AK8: variants seen among roughly 807,000 people sequenced by gnomAD.
AK8 encodes adenylate kinase 8.
AK8 carries 44 observed loss-of-function variants against 54.6 expected under a neutral mutation model. The ratio of observed to expected loss-of-function variants is 0.81; its 90% CI spans 0.63 to 1.04. AK8 has a LOEUF of 1.04. AK8 is among the 50% of genes least tolerant of loss of function. The pLI is 0.00. For missense variants in AK8, 555 were observed against 613.6 expected (o/e 0.90, Z 1.01); for synonymous variants, 239 against 245.6 (o/e 0.97, Z 0.25).
chr9:132,784,553 GAGAA>G (rs1424842475), intron 11 of AK8, among the ~76,000 whole-genome samples: 5 of 151,528 alleles, frequency 3.3e-5, no homozygotes, highest in Non-Finnish European at 4.4e-5. Flanking sequence ...GGAAGGAAGA[GAGAA>G]AGAAAGAAAG....
chr9:132,877,806 CG>C (rs1193648824), intron 1 of AK8: 1 of 514,100 alleles, frequency 1.9e-6, no homozygotes, highest in African/African-American at 1.9e-5. Context: ...TTGTCAGCGC[CG>C]GGAGAGCCCC....
intron 11 of AK8, among the ~76,000 whole-genome samples, chr9:132,747,108 T>C (rs867568524): frequency 5.3e-5 from 8 of 152,218 alleles, no homozygotes; most frequent in Non-Finnish European, 1.0e-4. Flanking sequence ...CAAATATTTG[T>C]GCAAGTGTAA....
rs899604313 is a variant in AK8 at position 132,860,128 on chromosome 9, C to T, written c.333+3537G>A. 5.3e-5 allele frequency among the ~76,000 whole-genome samples: 8 copies of T among 152,056 alleles called. No individual in the cohort carries two copies. The highest frequency in any genetic ancestry group is 1.9e-4 in the East Asian group (1 of 5,186). ...TTGGCTGGTGTCCAGGGACAGCCAG[C>T]GTCTTCAGGGCATCAAACGTCTCTT... On this transcript the variant is annotated intron_variant, in intron 4 of 12. Coordinates refer to ENST00000298545, the MANE Select transcript of AK8 (RefSeq NM_152572.3). The surrounding 1 kb of genome is among the most constrained non-coding windows in gnomAD (Gnocchi z 4.4).
At chr9:132,737,158 C>T (rs1374264608) in intron 11 of AK8, among the ~76,000 whole-genome samples, 1 of 152,126 alleles carries the variant, frequency 6.6e-6, no homozygotes, top group African/African-American at 2.4e-5. Flanking sequence ...AACACACACA[C>T]ACACACAAAC....
chr9:132,736,186 C>A (rs1042934659), intron 11 of AK8, among the ~76,000 whole-genome samples: 3 of 135,368 alleles, frequency 2.2e-5, no homozygotes, highest in African/African-American at 5.5e-5. Flanking sequence ...ACTATTCAGT[C>A]TTTTTTTTTT....
chr9:132,798,769 T>A (rs1840301112), intron 10 of AK8, among the ~76,000 whole-genome samples: 1 of 150,930 alleles, frequency 6.6e-6, no homozygotes, highest in Admixed American at 6.6e-5. Flanking sequence ...AAAATCTCAA[T>A]CCATTTATTC....
chr9:132,786,572 C>A (rs752565477), intron 11 of AK8, among the ~76,000 whole-genome samples: 12 of 152,246 alleles, frequency 7.9e-5, no homozygotes, highest in East Asian at 7.8e-4. Context: ...AGGAAAAGAT[C>A]TAAAGATGTT....
chr9:132,854,337 A>G (rs1468713043), intron 5 of AK8, among the ~76,000 whole-genome samples: 1 of 152,260 alleles, frequency 6.6e-6, no homozygotes, highest in African/African-American at 2.4e-5. Context: ...ATCAGTGCCC[A>G]GTAGACAGGT....
chr9:132,767,572 A>G (rs1018384288), intron 11 of AK8, among the ~76,000 whole-genome samples: 4 of 152,176 alleles, frequency 2.6e-5, no homozygotes, highest in African/African-American at 9.7e-5. Flanking sequence ...CTAAAAATAG[A>G]TCTGTCATGT....
rs1363324962 is a variant in AK8, at chr9:132,860,820, T to C, written c.333+2845A>G. On this transcript the variant is annotated intron_variant, in intron 4 of 12. Transcript: ENST00000298545. This position sits in a 1 kb window ranked among gnomAD's most constrained non-coding sequence, Gnocchi z 4.4. The stretch of plus-strand genomic sequence containing the variant: ...TCTTGCAGGTCATGGGTTGGTCTCC[T>C]GGGTGGGCTGCTGCAGATTGTGGGG... Among the ~76,000 whole-genome samples, 2 of 152,196 alleles carry C rather than the reference T, an allele frequency of 1.3e-5. No homozygotes were observed. The highest frequency in any genetic ancestry group is 2.4e-5 in the African/African-American group (1 of 41,440).
chr9:132,770,694 C>T lies in AK8; in HGVS notation c.1121+21940G>A, dbSNP rs75025904. Among the ~76,000 whole-genome samples the T allele has an allele frequency of 0.017, 2,572 of 152,276 alleles. 30 individuals are homozygous for T. Among genetic ancestry groups the T allele is most frequent in the Non-Finnish European group, 0.024 (1,625 of 67,992 alleles). On this transcript the variant is annotated intron_variant, in intron 11 of 12. Transcript: ENST00000298545. This position sits in a 1 kb window ranked among gnomAD's most constrained non-coding sequence, Gnocchi z 4.3. ...GAGACCGGGACAAGGCAGGGAAGAG[C>T]GGGATGGGTCGGCCCCTTCAAGGGG...
intron 11 of AK8, among the ~76,000 whole-genome samples, chr9:132,744,254 G>A (rs936306492): frequency 2.0e-5 from 3 of 152,108 alleles, no homozygotes; most frequent in Non-Finnish European, 4.4e-5. Flanking sequence ...CTTGCCTAAA[G>A]AATCCACCAC....
At chr9:132,836,051 A>C (rs1212245102) in intron 5 of AK8, among the ~76,000 whole-genome samples, 1 of 152,122 alleles carries the variant, frequency 6.6e-6, no homozygotes, top group African/African-American at 2.4e-5. Flanking sequence ...TGCACCTGGA[A>C]GGTGGAGGTT....
intron 5 of AK8, among the ~76,000 whole-genome samples, chr9:132,845,053 G>A (rs922262547): frequency 2.6e-5 from 4 of 152,150 alleles, no homozygotes; most frequent in Non-Finnish European, 5.9e-5. Context: ...TTGCTGTAAG[G>A]ACTCCACAGC....
At chr9:132,862,433 T>C (rs567400885) in intron 4 of AK8, among the ~76,000 whole-genome samples, 1 of 152,144 alleles carries the variant, frequency 6.6e-6, no homozygotes, top group East Asian at 1.9e-4. Context: ...GTTTGAGCAA[T>C]TCTCCTGCCT....
chr9:132,856,742 G>A (rs888633326), intron 4 of AK8, among the ~76,000 whole-genome samples: 1 of 152,182 alleles, frequency 6.6e-6, no homozygotes, highest in Admixed American at 6.5e-5. Context: ...AAATGTAAGA[G>A]CGGGAGCTGC....
intron 5 of AK8, among the ~76,000 whole-genome samples, chr9:132,840,136 T>C (rs985030504): frequency 1.3e-5 from 2 of 151,922 alleles, no homozygotes; most frequent in Non-Finnish European, 2.9e-5. Flanking sequence ...CTCTTAAAGG[T>C]AGTACTATGG....
intron 11 of AK8, among the ~76,000 whole-genome samples, chr9:132,728,712 C>T (rs964206055): frequency 6.6e-6 from 1 of 152,056 alleles, no homozygotes; most frequent in African/African-American, 2.4e-5. Flanking sequence ...CTCAAAGGAG[C>T]CCTGGACCCA....
At chr9:132,834,527 A>G (rs759704558) in intron 5 of AK8, among the ~76,000 whole-genome samples, 1 of 152,234 alleles carries the variant, frequency 6.6e-6, no homozygotes, top group Non-Finnish European at 1.5e-5. Context: ...ACGGAACGTT[A>G]GTATTCCACA....
Sources: allele counts gnomAD v4.1 joint callset (sites outside exome capture counted in the v4.1 genomes callset), GRCh38; gene constraint gnomAD v4.1.1; non-coding constraint Gnocchi (gnomAD v3.1); transcripts MANE v1.5; gene names NCBI Gene and HGNC (gene_info 2026-07-23, HGNC 2026-07-21).